WIPF3: variants seen among roughly 807,000 people sequenced by gnomAD.
WIPF3 encodes WAS/WASL-interacting protein family member 3.
Under a neutral mutation model 38.9 loss-of-function variants are expected in WIPF3, and 33 were observed. The ratio of observed to expected loss-of-function variants is 0.85; its 90% confidence interval spans 0.64 to 1.14. The LOEUF is 1.14. Among genes scored for constraint, WIPF3 ranks in the 50% most tolerant of loss-of-function variants. The pLI, the probability that WIPF3 is intolerant of heterozygous loss-of-function variation, is 0.00. For synonymous variants in WIPF3, 324 were observed against 269.3 expected, an observed-to-expected ratio of 1.20 and a Z score of -1.99; for missense variants, 711 against 652.5, an observed-to-expected ratio of 1.09 and a Z score of -0.98.
chr7:29,875,963 G>T lies in WIPF3; in HGVS notation c.223+1G>T. The T allele has an allele frequency of 6.2e-7, 1 of 1,613,284 alleles. No individual in the cohort carries two copies. The highest frequency in any genetic ancestry group is 8.5e-7 in the Non-Finnish European group (1 of 1,179,516). ...GACCGCAGTGCCCCGCAGATCGAGAGTAAGTGAGCAGCCGGGCCAGGCCTC... is the reference window on the plus strand; with the variant it reads ...GACCGCAGTGCCCCGCAGATCGAGATTAAGTGAGCAGCCGGGCCAGGCCTC... On this transcript the variant is annotated splice_donor_variant, in intron 3 of 8. Coordinates refer to ENST00000242140, the MANE Select transcript of WIPF3 (RefSeq NM_001080529.3). LOFTEE classifies it high-confidence loss of function.
chr7:29,889,872 C>T lies in WIPF3; in HGVS notation c.1351+465C>T, dbSNP rs184637187. ...AATGACCTAAGGAGCTTTTACAAAT[C>T]CTGAAGGCCAGGTTACATCTAAACC... is the stretch of plus-strand genomic sequence containing the variant. On this transcript the variant is annotated intron_variant, in intron 7 of 8. Transcript: ENST00000242140. Among the ~76,000 whole-genome samples the T allele has an allele frequency of 3.7e-4, 57 of 152,306 alleles. 1 individual carries two copies. The highest frequency in any genetic ancestry group is 3.4e-3 in the Middle Eastern group (1 of 294).
At chr7:29,903,868 C>A (rs1166124974) in intron 7 of WIPF3, among the ~76,000 whole-genome samples, 2 of 152,076 alleles carry the variant, frequency 1.3e-5, no homozygotes, top group Non-Finnish European at 2.9e-5. Flanking sequence ...TCATATGTAA[C>A]TTGTGTAATA....
intron 2 of WIPF3, among the ~76,000 whole-genome samples, chr7:29,847,228 G>A (rs1420384564): frequency 1.3e-5 from 2 of 152,190 alleles, no homozygotes; most frequent in Non-Finnish European, 2.9e-5. Context: ...GGACCGACAT[G>A]TTCAGGTCAA....
chr7:29,841,705 A>C (rs1242961777), intron 2 of WIPF3, among the ~76,000 whole-genome samples: 1 of 152,118 alleles, frequency 6.6e-6, no homozygotes, highest in Admixed American at 6.5e-5. Context: ...CCAGCTACTT[A>C]GGAGGCTGAG....
intron 1 of WIPF3, among the ~76,000 whole-genome samples, chr7:29,818,055 A>G (rs1375741016): frequency 6.6e-6 from 1 of 152,144 alleles, no homozygotes; most frequent in Non-Finnish European, 1.5e-5. Flanking sequence ...GAACACAATT[A>G]TTTCTTCACA....
At chr7:29,910,177 A>C (rs1329650626) in intron 8 of WIPF3, among the ~76,000 whole-genome samples, 3 of 152,162 alleles carry the variant, frequency 2.0e-5, no homozygotes, top group African/African-American at 7.2e-5. Flanking sequence ...ACCTGTATCA[A>C]AACATCTCAT....
intron 1 of WIPF3, among the ~76,000 whole-genome samples, chr7:29,821,493 T>C (rs1206204630): frequency 2.0e-5 from 3 of 152,156 alleles, no homozygotes; most frequent in Non-Finnish European, 4.4e-5. Flanking sequence ...AGGGTCTCCC[T>C]ATATTTCCAG....
intron 1 of WIPF3, among the ~76,000 whole-genome samples, chr7:29,819,009 A>G (rs1784497885): frequency 6.6e-6 from 1 of 152,116 alleles, no homozygotes; most frequent in Non-Finnish European, 1.5e-5. Flanking sequence ...CTGTTCATTT[A>G]TGCTTATTAT....
rs1583629955 is a variant in WIPF3, at chr7:29,904,518, G to C, written c.1428+156G>C. 10 of 665,822 alleles carry C rather than the reference G, an allele frequency of 1.5e-5. No homozygotes were observed. The East Asian group carries it at 2.6e-4, about 17-fold the overall frequency. 41.2% of individuals were successfully genotyped at this position (665,822 alleles called of 1,614,324 possible). A position where few individuals can be genotyped will look rare whatever the true frequency, so the allele number is the denominator to read the frequency against. On this transcript the variant is annotated intron_variant, in intron 8 of 8. Transcript: ENST00000242140. ...ATTTGGTGGACCTTTTTTCAAGCCA[G>C]AATGAAACACTCACCATTTCAAAAT...
chr7:29,829,033 GAT>G (rs1784673629), intron 1 of WIPF3, among the ~76,000 whole-genome samples: 1 of 151,988 alleles, frequency 6.6e-6, no homozygotes, highest in African/African-American at 2.4e-5. Context: ...CCAAATCTCT[GAT>G]TATTTGCTGC....
intron 2 of WIPF3, among the ~76,000 whole-genome samples, chr7:29,849,715 T>G (rs986729215): frequency 6.6e-5 from 10 of 152,206 alleles, no homozygotes; most frequent in African/African-American, 1.9e-4. Context: ...AAAAAAAAAT[T>G]TGTGTGCATA....
chr7:29,826,403 A>G (rs890071773), intron 1 of WIPF3, among the ~76,000 whole-genome samples: 2 of 152,200 alleles, frequency 1.3e-5, no homozygotes, highest in African/African-American at 2.4e-5. Flanking sequence ...CATTTTAACA[A>G]GATCTCCAGT....
chr7:29,855,437 T>C (rs1222995032), intron 2 of WIPF3, among the ~76,000 whole-genome samples: 1 of 152,248 alleles, frequency 6.6e-6, no homozygotes, highest in Non-Finnish European at 1.5e-5. Context: ...TGGACAGATA[T>C]CTGCTATTTC....
intron 2 of WIPF3, among the ~76,000 whole-genome samples, chr7:29,864,815 T>C (rs1785358240): frequency 6.6e-6 from 1 of 152,204 alleles, no homozygotes; most frequent in Non-Finnish European, 1.5e-5. Context: ...TCTTAGACGT[T>C]CTCTTGCTCA....
chr7:29,886,529 G>T lies in WIPF3; in HGVS notation c.1100-1539G>T, dbSNP rs140950147. On this transcript the variant is annotated intron_variant, in intron 5 of 8. Coordinates refer to ENST00000242140, the MANE Select transcript of WIPF3 (RefSeq NM_001080529.3). Reference sequence around the variant, plus strand: ...GCACCACCACACCTGGCTAATTTTTGTATTTTTAGTAGAGACAGGGTTTCC... The same window carrying T: ...GCACCACCACACCTGGCTAATTTTTTTATTTTTAGTAGAGACAGGGTTTCC... Among the ~76,000 whole-genome samples, 357 of 151,776 alleles carry T rather than the reference G, an allele frequency of 2.4e-3. 5 individuals are homozygous for T. The highest frequency in any genetic ancestry group is 0.015 in the East Asian group (78 of 5,154).
intron 7 of WIPF3, among the ~76,000 whole-genome samples, chr7:29,902,274 C>CTTTTTTTTT (rs11407234): frequency 9.6e-6 from 1 of 104,110 alleles, no homozygotes; most frequent in Non-Finnish European, 1.8e-5. Context: ...TCTTCTTCTT[C>CTTTTTTTTT]TTTTTTTTTT....
At chr7:29,900,446 C>A (rs1180624534) in intron 7 of WIPF3, among the ~76,000 whole-genome samples, 1 of 152,112 alleles carries the variant, frequency 6.6e-6, no homozygotes, top group Non-Finnish European at 1.5e-5. Flanking sequence ...GTGAGGTCCG[C>A]TGGTATGCAG....
chr7:29,846,346 G>A, intron 2 of WIPF3, among the ~76,000 whole-genome samples: 1 of 152,220 alleles, frequency 6.6e-6, no homozygotes, highest in South Asian at 2.1e-4. Context: ...CAATAGAGGA[G>A]TCTGAATGTG....
intron 7 of WIPF3, among the ~76,000 whole-genome samples, chr7:29,896,606 A>ACT (rs34323255): frequency 0.7 from 106,023 of 151,776 alleles, 37,639 homozygotes; most frequent in South Asian, 0.85. Context: ...CCAGAGCAAG[A>ACT]CTGTCTCAAA....
Sources: gnomAD v4.1 joint callset for allele counts (sites outside exome capture counted in the v4.1 genomes callset) on GRCh38, gnomAD v4.1.1 for gene constraint, MANE v1.5 for transcripts, NCBI Gene and HGNC (gene_info 2026-07-23, HGNC 2026-07-21) for gene names.